SCHIP1: variants seen among roughly 807,000 people sequenced by gnomAD.
SCHIP1 encodes schwannomin interacting protein 1.
Under a neutral mutation model 29.7 loss-of-function variants are expected in SCHIP1, and 8 were observed. The observed-to-expected ratio is 0.27, with a 90% CI of 0.16 to 0.49. The LOEUF (loss-of-function observed/expected upper bound fraction) is 0.49, where lower values mean the gene tolerates loss of function less well. Among genes scored for constraint, SCHIP1 ranks in the 20% least tolerant of loss-of-function variants. SCHIP1 has a pLI of 0.99. For missense variants in SCHIP1, 193 were observed against 294.6 expected, an observed-to-expected ratio of 0.66 and a Z score of 2.52; for synonymous variants, 76 against 94.9, an observed-to-expected ratio of 0.80 and a Z score of 1.16.
chr3:159,630,163 T>A, the SCHIP1 span, among the ~76,000 whole-genome samples: 4 of 152,200 alleles, frequency 2.6e-5, no homozygotes, highest in East Asian at 7.7e-4. Context: ...TGGGAATACA[T>A]AAAATGAAGC....
chr3:159,311,178 C>G, the SCHIP1 span, among the ~76,000 whole-genome samples: 5,298 of 152,124 alleles, frequency 0.035, 215 homozygotes, highest in African/African-American at 0.098. Flanking sequence ...ATTAGAGCTT[C>G]CTTTTTGCTG....
chr3:159,400,139 A>C, the SCHIP1 span, among the ~76,000 whole-genome samples: 1 of 152,244 alleles, frequency 6.6e-6, no homozygotes, highest in African/African-American at 2.4e-5. Context: ...AGTCACAGAC[A>C]CTTTTCTGTA....
At chr3:159,853,514 A>AC in intron 1 of SCHIP1, 1 of 664,420 alleles carries the variant, frequency 1.5e-6, no homozygotes, top group South Asian at 1.7e-5. Context: ...CTAACTGGAG[A>AC]AAGATCACCC....
At chr3:159,478,441 T>A in the SCHIP1 span, among the ~76,000 whole-genome samples, 1 of 152,202 alleles carries the variant, frequency 6.6e-6, no homozygotes, top group Admixed American at 6.5e-5. Flanking sequence ...TTGGTCTATG[T>A]ATCTGTTTTT....
the SCHIP1 span, among the ~76,000 whole-genome samples, chr3:159,706,253 C>T: frequency 1.9e-4 from 29 of 152,082 alleles, no homozygotes; most frequent in African/African-American, 6.5e-4. Flanking sequence ...ATATGAATAT[C>T]CCCCATTTCT....
chr3:159,396,304 C>T, the SCHIP1 span, among the ~76,000 whole-genome samples: 2 of 150,528 alleles, frequency 1.3e-5, no homozygotes, highest in African/African-American at 4.9e-5. Context: ...TTAATTGGAG[C>T]ATTTAGTCCA....
the SCHIP1 span, among the ~76,000 whole-genome samples, chr3:159,444,370 C>T: frequency 6.2e-4 from 94 of 152,176 alleles, no homozygotes; most frequent in African/African-American, 2.1e-3. Context: ...AGAATGCCCC[C>T]AAGAAGCCAT....
At chr3:159,446,369 ATGATGTTTACAACAATACAATATTGT>A in the SCHIP1 span, among the ~76,000 whole-genome samples, 10 of 152,160 alleles carry the variant, frequency 6.6e-5, no homozygotes, top group African/African-American at 2.2e-4. Context: ...GAATAATGAG[ATGATGTTTACAACAATACAATATTGT>A]TGCAATACAG....
chr3:159,537,417 C>T, the SCHIP1 span, among the ~76,000 whole-genome samples: 6 of 152,298 alleles, frequency 3.9e-5, no homozygotes, highest in East Asian at 1.2e-3. Flanking sequence ...TTTCCTGTCC[C>T]ATCATTGGTT....
At chr3:159,334,178 T>C in the SCHIP1 span, among the ~76,000 whole-genome samples, 1 of 152,210 alleles carries the variant, frequency 6.6e-6, no homozygotes, top group African/African-American at 2.4e-5. Flanking sequence ...TGCTTGATGA[T>C]ATCTGCTCAT....
At chr3:159,514,603 A>T in the SCHIP1 span, among the ~76,000 whole-genome samples, 735 of 152,306 alleles carry the variant, frequency 4.8e-3, 6 homozygotes, top group African/African-American at 0.016. Flanking sequence ...GAGTTTCTTT[A>T]GTCACCAACC....
the SCHIP1 span, among the ~76,000 whole-genome samples, chr3:159,567,943 T>G: frequency 3.3e-5 from 5 of 152,154 alleles, no homozygotes; most frequent in Admixed American, 2.6e-4. Flanking sequence ...GTGGTATATC[T>G]TTTCATTTGT....
intron 1 of SCHIP1, among the ~76,000 whole-genome samples, chr3:159,846,469 C>G (rs1321355491): frequency 6.6e-6 from 1 of 152,146 alleles, no homozygotes. Context: ...CTATCCCTAT[C>G]GACACCAGGA....
At chr3:159,396,431 T>C in the SCHIP1 span, among the ~76,000 whole-genome samples, 1 of 147,704 alleles carries the variant, frequency 6.8e-6, no homozygotes, top group East Asian at 2.0e-4. Flanking sequence ...GTCTTTACAT[T>C]TTGGCATGAT....
At chr3:159,816,905 G>A in the SCHIP1 span, among the ~76,000 whole-genome samples, 1 of 152,192 alleles carries the variant, frequency 6.6e-6, no homozygotes, top group African/African-American at 2.4e-5. Context: ...CTGAAACGCA[G>A]AGCTCAGACA....
chr3:159,423,302 G>C, the SCHIP1 span, among the ~76,000 whole-genome samples: 2 of 152,234 alleles, frequency 1.3e-5, no homozygotes, highest in South Asian at 4.1e-4. Flanking sequence ...CCCTTTCCTA[G>C]TCAAAGAAAG....
chr3:159,800,535 C>T, the SCHIP1 span, among the ~76,000 whole-genome samples: 2 of 152,162 alleles, frequency 1.3e-5, no homozygotes, highest in Non-Finnish European at 2.9e-5. Flanking sequence ...TGCATCAAGA[C>T]CATTGGGTCT....
At chr3:159,807,670 C>T in the SCHIP1 span, among the ~76,000 whole-genome samples, 13 of 152,066 alleles carry the variant, frequency 8.5e-5, no homozygotes, top group Non-Finnish European at 1.9e-4. Context: ...GAAAAATTCT[C>T]AGCATGAGAA....
At chr3:159,516,977 T>C in the SCHIP1 span, among the ~76,000 whole-genome samples, 6 of 152,348 alleles carry the variant, frequency 3.9e-5, no homozygotes, top group Admixed American at 6.5e-5. Context: ...TATTTTTGTT[T>C]ATTTTTTTTA....
Sources: allele counts gnomAD v4.1 joint callset (sites outside exome capture counted in the v4.1 genomes callset), GRCh38; gene constraint gnomAD v4.1.1; transcripts MANE v1.5; gene names NCBI Gene and HGNC (gene_info 2026-07-23, HGNC 2026-07-21).